PTPRD: variants seen among roughly 807,000 people sequenced by gnomAD.
PTPRD encodes the protein protein tyrosine phosphatase receptor type D.
Under a neutral mutation model 214.5 loss-of-function variants are expected in PTPRD, and 34 were observed. The ratio of observed to expected loss-of-function variants is 0.16; its 90% CI spans 0.12 to 0.21. The LOEUF (loss-of-function observed/expected upper bound fraction) is 0.21. Ranked by LOEUF, PTPRD falls within the 10% of genes least tolerant of loss-of-function variation. PTPRD has a pLI of 1.00. For missense variants in PTPRD, 2,545 were observed against 2,398.7 expected (o/e 1.06, Z -1.27); for synonymous variants, 1,128 against 845.7 (o/e 1.33, Z -5.79).
intron 42 of PTPRD, among the ~76,000 whole-genome samples, chr9:8,340,034 C>T (rs1421427183): frequency 1.3e-5 from 2 of 152,020 alleles, no homozygotes; most frequent in African/African-American, 4.8e-5. Context: ...CTGTCCAGAA[C>T]AAAAGGCAGT....
In PTPRD at chr9:9,336,700, A is replaced by G. The variant is rs142451948; in HGVS notation, c.-203+60749T>C. 8.6e-3 allele frequency among the ~76,000 whole-genome samples: 1,311 copies of G among 152,206 alleles called. 77 individuals carry two copies. Among genetic ancestry groups the G allele is most frequent in the Admixed American group, 0.081 (1,232 of 15,268 alleles). The stretch of plus-strand genomic sequence containing the variant: ...TAAATGATAAATATCTATGAGATAT[A>G]TTATATAACTGCTTTACCTTATATG... On this transcript the variant is annotated intron_variant, in intron 9 of 45. Transcript: ENST00000381196.
chr9:10,556,263 G>A (rs1223869135), intron 2 of PTPRD, among the ~76,000 whole-genome samples: 1 of 151,754 alleles, frequency 6.6e-6, no homozygotes, highest in Non-Finnish European at 1.5e-5. Context: ...TATACAAAAT[G>A]TTAGGTAGAA....
At chr9:10,308,745 G>A (rs2096172290) in intron 3 of PTPRD, among the ~76,000 whole-genome samples, 2 of 151,946 alleles carry the variant, frequency 1.3e-5, no homozygotes, top group African/African-American at 4.8e-5. Context: ...TTACTGGTAT[G>A]CAGTTTTCCT....
At chr9:9,005,771 G>C (rs757109991) in intron 11 of PTPRD, among the ~76,000 whole-genome samples, 9 of 151,886 alleles carry the variant, frequency 5.9e-5, no homozygotes, top group African/African-American at 1.2e-4. Context: ...TTTCTTTTCA[G>C]ACGAGGAAAT....
intron 10 of PTPRD, among the ~76,000 whole-genome samples, chr9:9,181,529 G>A (rs1446622565): frequency 1.3e-5 from 2 of 151,978 alleles, no homozygotes; most frequent in African/African-American, 4.8e-5. Flanking sequence ...ACCTCCTACT[G>A]TGTCAAATAG....
At chr9:9,389,705 C>A (rs1167736482) in intron 9 of PTPRD, among the ~76,000 whole-genome samples, 1 of 152,140 alleles carries the variant, frequency 6.6e-6, no homozygotes, top group African/African-American at 2.4e-5. Context: ...GTCATTCTAG[C>A]AACAGCTAAG....
intron 12 of PTPRD, among the ~76,000 whole-genome samples, chr9:8,669,477 C>T (rs939833452): frequency 1.3e-5 from 2 of 152,044 alleles, no homozygotes; most frequent in African/African-American, 2.4e-5. Flanking sequence ...GAAATCCCAT[C>T]CCTAGAGTTT....
intron 8 of PTPRD, among the ~76,000 whole-genome samples, chr9:9,443,275 G>A (rs759689736): frequency 6.6e-6 from 1 of 152,048 alleles, no homozygotes; most frequent in Non-Finnish European, 1.5e-5. Flanking sequence ...GCATGGACAG[G>A]ATCCCAAGGG....
intron 14 of PTPRD, among the ~76,000 whole-genome samples, chr9:8,595,668 G>A (rs1036798705): frequency 5.3e-5 from 8 of 152,128 alleles, no homozygotes; most frequent in African/African-American, 1.4e-4. Flanking sequence ...GAAGTGCATC[G>A]AAAAGTTAGT....
intron 34 of PTPRD, among the ~76,000 whole-genome samples, chr9:8,438,413 CTT>C (rs936846979): frequency 6.6e-6 from 1 of 152,094 alleles, no homozygotes; most frequent in African/African-American, 2.4e-5. Context: ...AGTAGAAACT[CTT>C]TGTTGGTGAT....
chr9:9,749,783 A>T (rs1201763863), intron 6 of PTPRD, among the ~76,000 whole-genome samples: 1 of 152,226 alleles, frequency 6.6e-6, no homozygotes, highest in Non-Finnish European at 1.5e-5. Flanking sequence ...TATAGTTATT[A>T]GAACAACTCT....
chr9:9,893,740 A>C (rs12005505), intron 5 of PTPRD, among the ~76,000 whole-genome samples: 11,551 of 152,182 alleles, frequency 0.076, 498 homozygotes, highest in Middle Eastern at 0.15. Context: ...TTATCATGTT[A>C]AAAACAACAG....
intron 2 of PTPRD, among the ~76,000 whole-genome samples, chr9:10,580,810 A>C (rs544746465): frequency 1.3e-5 from 2 of 152,328 alleles, no homozygotes; most frequent in African/African-American, 4.8e-5. Flanking sequence ...TCCTTAAATA[A>C]ATTTTTATTT....
chr9:9,888,259 G>A (rs1321419826), intron 5 of PTPRD, among the ~76,000 whole-genome samples: 2 of 152,146 alleles, frequency 1.3e-5, no homozygotes, highest in Non-Finnish European at 2.9e-5. Context: ...CCCAAGAAAG[G>A]TGTTCCTGTC....
At chr9:10,298,348 C>T (rs1348443259) in intron 3 of PTPRD, among the ~76,000 whole-genome samples, 1 of 151,660 alleles carries the variant, frequency 6.6e-6, no homozygotes, top group African/African-American at 2.4e-5. Flanking sequence ...ACAAAGGAAC[C>T]TATTTGCCAA....
In PTPRD at chr9:8,663,561, G is replaced by C. The variant is rs1596360905; in HGVS notation, c.65-26717C>G. ...GCTGGAGTGCAGTGGTGCGATCTTG[G>C]CTCACTGCAACCTACGCCTTCTGGG... On this transcript the variant is annotated intron_variant, in intron 12 of 45. Coordinates refer to ENST00000381196, the MANE Select transcript of PTPRD (RefSeq NM_002839.4). Among the ~76,000 whole-genome samples, 4 of 152,004 alleles carry C rather than the reference G, an allele frequency of 2.6e-5. No homozygotes were observed. In the East Asian group the frequency reaches 5.8e-4, roughly 22 times the overall value.
intron 35 of PTPRD, among the ~76,000 whole-genome samples, chr9:8,433,402 T>C (rs2095186559): frequency 6.6e-6 from 1 of 152,212 alleles, no homozygotes; most frequent in South Asian, 2.1e-4. Flanking sequence ...ACTCCTTTTA[T>C]TAAAATAAAA....
chr9:9,885,904 C>G (rs1041266063), intron 5 of PTPRD, among the ~76,000 whole-genome samples: 13 of 151,668 alleles, frequency 8.6e-5, no homozygotes, highest in African/African-American at 2.9e-4. Flanking sequence ...GCCTATCTGC[C>G]TATCTGAAAG....
At chr9:8,846,075 T>A (rs2097689366) in intron 11 of PTPRD, among the ~76,000 whole-genome samples, 1 of 152,214 alleles carries the variant, frequency 6.6e-6, no homozygotes, top group South Asian at 2.1e-4. Flanking sequence ...AAGGCAGATT[T>A]GTCTTGTCTA....
Sources: gnomAD v4.1 joint callset for allele counts (sites outside exome capture counted in the v4.1 genomes callset) on GRCh38, gnomAD v4.1.1 for gene constraint, MANE v1.5 for transcripts, NCBI Gene and HGNC (gene_info 2026-07-23, HGNC 2026-07-21) for gene names.